SNX29: variants seen among roughly 807,000 people sequenced by gnomAD.
SNX29 encodes sorting nexin-29.
A neutral mutation model predicts 102.1 loss-of-function variants in SNX29; 78 were observed. The observed-to-expected ratio is 0.76, with a 90% confidence interval of 0.64 to 0.92. SNX29 has a LOEUF of 0.92. SNX29 is among the 40% of genes least tolerant of loss of function. The probability of loss-of-function intolerance (pLI) is 0.00; values close to 1 mark genes in which losing one functional copy is unlikely to be tolerated. For synonymous variants in SNX29, 580 were observed against 414.5 expected, an observed-to-expected ratio of 1.40 and a Z score of -4.85; for missense variants, 1,280 against 1,061.7, an observed-to-expected ratio of 1.21 and a Z score of -2.86.
At chr16:12,415,552 G>T (rs574969783) in intron 18 of SNX29, among the ~76,000 whole-genome samples, 1 of 152,332 alleles carries the variant, frequency 6.6e-6, no homozygotes, top group South Asian at 2.1e-4. Flanking sequence ...CTCGCAGGCA[G>T]GTTGGTATTG....
chr16:12,561,050 G>C (rs1003445165), intron 20 of SNX29: 1 of 223,440 alleles, frequency 4.5e-6, no homozygotes, highest in African/African-American at 2.2e-5. Flanking sequence ...CAAACCAAGA[G>C]GTAGGAGGTA....
chr16:12,261,647 T>A (rs1360083462), intron 14 of SNX29, among the ~76,000 whole-genome samples: 1 of 137,044 alleles, frequency 7.3e-6, no homozygotes, highest in Non-Finnish European at 1.5e-5. Flanking sequence ...GAGTGAGTGG[T>A]TCCTGAGCTC....
Position 12,447,804 on chromosome 16 carries a change from C to T in SNX29, c.2038-29915C>T, listed in dbSNP as rs527595225. On this transcript the variant is annotated intron_variant, in intron 18 of 20. Transcript: ENST00000566228. ...TTCATGTGTCCCACAAAAGCGGGAA[C>T]AGCCCCACCACTCAGAGAGCCCTCT... is the stretch of plus-strand genomic sequence containing the variant. Among the ~76,000 whole-genome samples, 56 of 152,328 alleles carry T rather than the reference C, an allele frequency of 3.7e-4. No individual in the cohort carries two copies. The South Asian group carries it at 0.011, about 29-fold the overall frequency.
chr16:12,546,877 G>A (rs1052280483), intron 20 of SNX29, among the ~76,000 whole-genome samples: 3 of 152,206 alleles, frequency 2.0e-5, no homozygotes, highest in Non-Finnish European at 2.9e-5. Flanking sequence ...GGCTGGTTTG[G>A]TTTTTCCAGG....
intron 20 of SNX29, chr16:12,527,165 G>C: frequency 1.9e-6 from 1 of 519,712 alleles, no homozygotes; most frequent in African/African-American, 1.9e-5. Flanking sequence ...CTTCCTTTTT[G>C]AGCAGGATGG....
chr16:12,023,744 C>G (rs1331486474), intron 3 of SNX29, among the ~76,000 whole-genome samples: 1 of 152,066 alleles, frequency 6.6e-6, no homozygotes, highest in East Asian at 1.9e-4. Flanking sequence ...TTAGTGTGAC[C>G]TCGTGTATGA....
intron 16 of SNX29, among the ~76,000 whole-genome samples, chr16:12,387,774 G>A (rs2083388487): frequency 6.6e-6 from 1 of 152,076 alleles, no homozygotes; most frequent in African/African-American, 2.4e-5. Context: ...GGAGACCTTG[G>A]TAGCCAAAAC....
At position 12,479,241 on chromosome 16, in the gene SNX29, G is replaced by A. The variant is rs368242419; in HGVS notation, c.2178+1382G>A. Among the ~76,000 whole-genome samples the A allele has an allele frequency of 3.9e-5, 6 of 152,346 alleles. No homozygotes were observed. The East Asian group carries it at 1.2e-3, about 29-fold the overall frequency. On this transcript the variant is annotated intron_variant, in intron 19 of 20. Transcript: ENST00000566228. Reference sequence around the variant, plus strand: ...GACTGCCGTTCTATCTTTTGACAAAGCCATGTGGCAGATGCCATATGGGGC... The same window carrying A: ...GACTGCCGTTCTATCTTTTGACAAAACCATGTGGCAGATGCCATATGGGGC...
chr16:12,355,668 T>C (rs2082109430), intron 15 of SNX29, among the ~76,000 whole-genome samples: 1 of 152,028 alleles, frequency 6.6e-6, no homozygotes, highest in African/African-American at 2.4e-5. Flanking sequence ...CAGTTTTATT[T>C]ATTGGGGATC....
chr16:12,307,710 G>A (rs1020186344), intron 15 of SNX29, among the ~76,000 whole-genome samples: 5 of 152,360 alleles, frequency 3.3e-5, no homozygotes, highest in African/African-American at 1.2e-4. Flanking sequence ...TTGAGGGCCT[G>A]CCTGTCTGCA....
At chr16:12,330,164 A>G (rs1026880561) in intron 15 of SNX29, among the ~76,000 whole-genome samples, 1 of 152,184 alleles carries the variant, frequency 6.6e-6, no homozygotes, top group Non-Finnish European at 1.5e-5. Context: ...GATGTGAAAC[A>G]GTTGGCCTGG....
chr16:12,562,250 T>A (rs1207664610), intron 20 of SNX29, among the ~76,000 whole-genome samples: 3 of 152,070 alleles, frequency 2.0e-5, no homozygotes, highest in Non-Finnish European at 4.4e-5. Flanking sequence ...GCGAGGGCAT[T>A]CACTAAGCAG....
rs1434184239 is a variant in SNX29, at chr16:12,552,242, C to CT, written c.2319-16261dup. ...TCAGACATCCAGCACCATGCCCCAG[C>CT]TTTGCCTCCTAGGGGCTCGTAAGCC... On this transcript the variant is annotated intron_variant, in intron 20 of 20. Coordinates refer to ENST00000566228, the MANE Select transcript of SNX29 (RefSeq NM_032167.5). Among the ~76,000 whole-genome samples the CT allele has an allele frequency of 1.0e-4, 15 of 147,850 alleles. No homozygotes were observed. The South Asian group carries it at 3.1e-3, about 30-fold the overall frequency.
chr16:12,477,797 C>T lies in SNX29; in HGVS notation c.2116C>T (p.Gln706Ter), dbSNP rs763152272. ...GTTCAGGAGTTTGCACCACAAGTTA[C>T]AAAACAAGTACCCTCAAGTGAGGGC... The part of the protein sequence containing the change: ...TEFRSLHHKL[Q>*]NKYPQVRAYN... The change falls in exon 19 of 21, where the codon CAA (glutamine) becomes TAA (stop). Residue 706 changes from glutamine to a stop codon, truncating the protein, a stop_gained. Transcript: ENST00000566228. LOFTEE classifies it high-confidence loss of function. 6.2e-7 allele frequency: 1 copy of T among 1,613,416 alleles called. No homozygotes were observed. Among genetic ancestry groups the T allele is most frequent in the Admixed American group, 1.7e-5 (1 of 59,814 alleles).
At chr16:12,317,162 C>T (rs986625236) in intron 15 of SNX29, among the ~76,000 whole-genome samples, 16 of 152,182 alleles carry the variant, frequency 1.1e-4, no homozygotes, top group South Asian at 4.1e-4. Context: ...AAGGGAGTGG[C>T]GGACTGTCTT....
chr16:12,127,796 T>G (rs2054283024), intron 12 of SNX29, among the ~76,000 whole-genome samples: 1 of 152,126 alleles, frequency 6.6e-6, no homozygotes, highest in Non-Finnish European at 1.5e-5. Context: ...GCACTTATCT[T>G]AAAGTTTGCC....
intron 15 of SNX29, among the ~76,000 whole-genome samples, chr16:12,311,656 C>T (rs141378895): frequency 4.5e-4 from 68 of 152,374 alleles, no homozygotes; most frequent in African/African-American, 1.3e-3. Flanking sequence ...ACCCTTCACC[C>T]GGCTTATTTC....
intron 14 of SNX29, among the ~76,000 whole-genome samples, chr16:12,233,217 AG>A (rs1449813725): frequency 6.6e-6 from 1 of 152,224 alleles, no homozygotes; most frequent in African/African-American, 2.4e-5. Context: ...GACTGGATAA[AG>A]AAAATGTGGT....
intron 20 of SNX29, among the ~76,000 whole-genome samples, chr16:12,525,425 C>T (rs1037267400): frequency 3.3e-5 from 5 of 152,164 alleles, no homozygotes; most frequent in African/African-American, 2.4e-5. Context: ...GTAATCCCAG[C>T]ACTCTGGGAG....
Sources: allele counts gnomAD v4.1 joint callset (sites outside exome capture counted in the v4.1 genomes callset), GRCh38; gene constraint gnomAD v4.1.1; transcripts MANE v1.5; gene names NCBI Gene and HGNC (gene_info 2026-07-23, HGNC 2026-07-21).